MEF2A: variants seen among roughly 807,000 people sequenced by gnomAD.
MEF2A encodes the protein myocyte enhancer factor 2A.
In MEF2A, 28 loss-of-function variants were observed where a neutral mutation model predicts 55.8. The ratio of observed to expected loss-of-function variants is 0.50; its 90% CI spans 0.37 to 0.69. MEF2A has a LOEUF of 0.69. Ranked by LOEUF, MEF2A falls within the 30% of genes least tolerant of loss-of-function variation. The pLI is 0.00. For missense variants in MEF2A, 528 were observed against 626.2 expected (o/e 0.84, Z 1.67); for synonymous variants, 239 against 227.1 (o/e 1.05, Z -0.47).
At chr15:99,608,168 A>C (rs1297414436) in intron 2 of MEF2A, among the ~76,000 whole-genome samples, 1 of 152,210 alleles carries the variant, frequency 6.6e-6, no homozygotes, top group Non-Finnish European at 1.5e-5. Flanking sequence ...AGGAAGCCCA[A>C]CTTAAAAAAA....
chr15:99,625,257 G>C (rs1179576409), intron 2 of MEF2A, among the ~76,000 whole-genome samples: 5 of 152,086 alleles, frequency 3.3e-5, no homozygotes, highest in African/African-American at 7.2e-5. Context: ...CATTGTTAAT[G>C]TATAGAATTG....
chr15:99,666,319 C>A (rs1379677000), intron 4 of MEF2A, among the ~76,000 whole-genome samples: 1 of 152,050 alleles, frequency 6.6e-6, no homozygotes, highest in Non-Finnish European at 1.5e-5. Context: ...AACCATCATT[C>A]TCAGCAAACT....
chr15:99,617,851 A>C (rs969933637), intron 2 of MEF2A, among the ~76,000 whole-genome samples: 1 of 152,156 alleles, frequency 6.6e-6, no homozygotes, highest in Non-Finnish European at 1.5e-5. Flanking sequence ...CTTTGCTCTG[A>C]ATTGTTTCTA....
intron 4 of MEF2A, among the ~76,000 whole-genome samples, chr15:99,656,135 C>T (rs1017687359): frequency 6.6e-6 from 1 of 151,954 alleles, no homozygotes; most frequent in South Asian, 2.1e-4. Context: ...TCAAATATTA[C>T]AAAATCTAGT....
At chr15:99,566,355 G>C (rs1014385560) in intron 1 of MEF2A, 3 of 148,116 alleles carry the variant, frequency 2.0e-5, no homozygotes, top group Admixed American at 2.0e-4. Context: ...GTGCTGGGAG[G>C]CGGCGAGGGG....
intron 4 of MEF2A, among the ~76,000 whole-genome samples, chr15:99,670,958 A>G (rs891231554): frequency 2.6e-5 from 4 of 152,208 alleles, no homozygotes; most frequent in Non-Finnish European, 5.9e-5. Flanking sequence ...TCAAAGCATC[A>G]TTTTTATAGA....
In MEF2A at chr15:99,712,250, C is replaced by T. The variant is rs1241132926; in HGVS notation, c.1137-140C>T. 8.7e-6 allele frequency: 12 copies of T among 1,387,182 alleles called. No homozygotes were observed. In the Admixed American group the frequency reaches 8.7e-5, roughly 10 times the overall value. 85.9% of individuals were successfully genotyped at this position (1,387,182 alleles called of 1,614,324 possible). ...CTTTTGTGCCAAGCACTGAAGGAAA[C>T]GACCCAAACCAGTCTTGGGGAACTC... On this transcript the variant is annotated intron_variant, in intron 11 of 11. Coordinates refer to ENST00000557942, the MANE Select transcript of MEF2A (RefSeq NM_001319206.4). This position sits in a 1 kb window ranked among gnomAD's most constrained non-coding sequence, Gnocchi z 4.1.
At chr15:99,576,715 A>G (rs1964398019) in intron 1 of MEF2A, among the ~76,000 whole-genome samples, 1 of 150,774 alleles carries the variant, frequency 6.6e-6, no homozygotes, top group African/African-American at 2.4e-5. Flanking sequence ...ATCTTGGCTC[A>G]CTGCAAGCTC....
chr15:99,654,379 TA>T (rs2047341415), intron 4 of MEF2A, among the ~76,000 whole-genome samples: 1 of 151,986 alleles, frequency 6.6e-6, no homozygotes, highest in Non-Finnish European at 1.5e-5. Flanking sequence ...AGAACAGTAT[TA>T]AAATTTTAAA....
chr15:99,645,861 A>T (rs2045880886), intron 4 of MEF2A, 97 bp downstream of exon 4: 4 of 839,524 alleles, frequency 4.8e-6, no homozygotes, highest in Non-Finnish European at 5.5e-6. Context: ...CTAAAACATA[A>T]ATTAGGTGTA....
At chr15:99,571,133 G>A (rs933981732) in intron 1 of MEF2A, among the ~76,000 whole-genome samples, 9 of 151,262 alleles carry the variant, frequency 5.9e-5, no homozygotes, top group Non-Finnish European at 8.8e-5. Context: ...GCAGTGAGCC[G>A]AGATCGTGCC....
At chr15:99,615,649 C>T (rs1444718512) in intron 2 of MEF2A, among the ~76,000 whole-genome samples, 2 of 152,144 alleles carry the variant, frequency 1.3e-5, no homozygotes, top group Non-Finnish European at 2.9e-5. Context: ...GGTTTGAATG[C>T]AGGCGGGCAT....
rs575877482 is a variant in MEF2A at position 99,641,678 on chromosome 15, G to A, written c.55-3883G>A. Among the ~76,000 whole-genome samples the A allele has an allele frequency of 6.5e-3, 986 of 152,112 alleles. 9 individuals are homozygous for A. The highest frequency in any genetic ancestry group is 0.023 in the African/African-American group (937 of 41,460). ...GCGGAGCTTGCAGTGAGTCGAGATC[G>A]TGCCACTTGCACTCCAGCCTGGGCG... On this transcript the variant is annotated intron_variant, in intron 3 of 11. Transcript: ENST00000557942.
At chr15:99,633,850 AT>A (rs2043313186) in intron 3 of MEF2A, among the ~76,000 whole-genome samples, 1 of 152,194 alleles carries the variant, frequency 6.6e-6, no homozygotes, top group African/African-American at 2.4e-5. Flanking sequence ...ATAAAGTTTT[AT>A]TAGAGCACTG....
At chr15:99,670,735 A>G (rs2050720006) in intron 4 of MEF2A, among the ~76,000 whole-genome samples, 1 of 152,268 alleles carries the variant, frequency 6.6e-6, no homozygotes, top group African/African-American at 2.4e-5. Context: ...AGTCACTGAT[A>G]ATTTGTACAT....
At chr15:99,603,672 A>AGCCAG (rs1204484452) in intron 2 of MEF2A, among the ~76,000 whole-genome samples, 5 of 151,796 alleles carry the variant, frequency 3.3e-5, no homozygotes, top group African/African-American at 1.2e-4. Flanking sequence ...AAGTGCTGGG[A>AGCCAG]TTACAGGTGT....
At chr15:99,707,521 A>C (rs1385106468) in intron 10 of MEF2A, among the ~76,000 whole-genome samples, 3 of 152,164 alleles carry the variant, frequency 2.0e-5, no homozygotes, top group Non-Finnish European at 4.4e-5. Context: ...AAAGTTTAAG[A>C]ATATTACAGT....
At chr15:99,649,330 C>A (rs78568832) in intron 4 of MEF2A, among the ~76,000 whole-genome samples, 165 of 152,208 alleles carry the variant, frequency 1.1e-3, no homozygotes, top group African/African-American at 3.8e-3. Context: ...CTTCATAACT[C>A]AATTTCTCTG....
intron 2 of MEF2A, among the ~76,000 whole-genome samples, chr15:99,614,167 T>C (rs2039789863): frequency 6.6e-6 from 1 of 152,206 alleles, no homozygotes; most frequent in Non-Finnish European, 1.5e-5. Flanking sequence ...CATGAGATAA[T>C]ATATATTAAG....
Sources: gnomAD v4.1 joint callset for allele counts (sites outside exome capture counted in the v4.1 genomes callset) on GRCh38, gnomAD v4.1.1 for gene constraint, Gnocchi (gnomAD v3.1) non-coding constraint, MANE v1.5 for transcripts, NCBI Gene and HGNC (gene_info 2026-07-23, HGNC 2026-07-21) for gene names.